The following TRAK1 variants were observed in gnomAD, a reference collection of about 807,000 sequenced individuals.
The protein encoded by TRAK1 is trafficking kinesin-binding protein 1.
A neutral mutation model predicts 92.1 loss-of-function variants in TRAK1; 33 were observed. The observed-to-expected ratio is 0.36, with a 90% CI of 0.27 to 0.48. TRAK1 has a LOEUF of 0.48. TRAK1 is among the 20% of genes least tolerant of loss of function. The probability of loss-of-function intolerance (pLI) is 0.99; values close to 1 mark genes in which losing one functional copy is unlikely to be tolerated. For missense variants in TRAK1, 1,123 were observed against 1,257.9 expected, an observed-to-expected ratio of 0.89 and a Z score of 1.62; for synonymous variants, 521 against 517.3, an observed-to-expected ratio of 1.01 and a Z score of -0.10.
At chr3:42,099,840 GA>G (rs1169628916) in intron 1 of TRAK1, among the ~76,000 whole-genome samples, 1 of 152,206 alleles carries the variant, frequency 6.6e-6, no homozygotes, top group African/African-American at 2.4e-5. Context: ...GTAGAAATGA[GA>G]AGGGGCAAAG....
intron 2 of TRAK1, among the ~76,000 whole-genome samples, chr3:42,152,215 CA>C (rs1283458908): frequency 2.6e-5 from 4 of 152,148 alleles, no homozygotes; most frequent in South Asian, 2.1e-4. Flanking sequence ...CCCCCGCCCC[CA>C]GAGGAGGATA....
chr3:42,105,246 G>A (rs1382450075), intron 1 of TRAK1, among the ~76,000 whole-genome samples: 5 of 152,082 alleles, frequency 3.3e-5, no homozygotes, highest in East Asian at 1.9e-4. Flanking sequence ...GAGCCACCAC[G>A]CCCAGCAGAA....
Position 42,219,616 on chromosome 3 carries a change from G to T in TRAK1, c.2066+20G>T. On this transcript the variant is annotated intron_variant, in intron 15 of 15. Coordinates refer to ENST00000327628, the MANE Select transcript of TRAK1 (RefSeq NM_001042646.3). Reference sequence around the variant, plus strand: ...ACCAAGGTAAGGGACCCTGGCTTTGGGGTGGGCAGGGGTGGGGTGAAGTCA... The same window carrying T: ...ACCAAGGTAAGGGACCCTGGCTTTGTGGTGGGCAGGGGTGGGGTGAAGTCA... The T allele has an allele frequency of 6.3e-7, 1 of 1,597,746 alleles. No homozygotes were observed. Among genetic ancestry groups the T allele is most frequent in the Non-Finnish European group, 8.6e-7 (1 of 1,165,734 alleles).
intron 4 of TRAK1, 113 bp from the exon 5 acceptor site, chr3:42,187,932 A>G (rs1705137278): frequency 3.5e-6 from 3 of 861,976 alleles, no homozygotes; most frequent in Admixed American, 1.9e-5. Context: ...TTCACTTTCA[A>G]TGGTGAATTT....
At chr3:42,150,782 C>G (rs1699867089) in intron 2 of TRAK1, among the ~76,000 whole-genome samples, 1 of 152,198 alleles carries the variant, frequency 6.6e-6, no homozygotes, top group Non-Finnish European at 1.5e-5. Context: ...CACTGGCCCC[C>G]AGCTTTAGAT....
intron 2 of TRAK1, among the ~76,000 whole-genome samples, chr3:42,148,914 C>T (rs767384458): frequency 9.2e-5 from 14 of 152,240 alleles, no homozygotes; most frequent in Middle Eastern, 3.4e-3. Flanking sequence ...AGTCTTCTTT[C>T]TATCGTGACC....
intron 1 of TRAK1, among the ~76,000 whole-genome samples, chr3:42,055,389 C>T (rs551060035): frequency 6.6e-6 from 1 of 152,272 alleles, no homozygotes; most frequent in East Asian, 1.9e-4. Flanking sequence ...GATTAACATA[C>T]CATTCAGTTG....
chr3:42,041,451 A>C (rs559799272), intron 1 of TRAK1, among the ~76,000 whole-genome samples: 4 of 152,274 alleles, frequency 2.6e-5, no homozygotes, highest in African/African-American at 9.6e-5. Context: ...CTGATTTGGT[A>C]TGTTGATCTT....
chr3:42,042,365 ATTATT>A (rs1576161043), intron 1 of TRAK1, among the ~76,000 whole-genome samples: 2 of 151,766 alleles, frequency 1.3e-5, no homozygotes, highest in African/African-American at 4.8e-5. Context: ...TTAGATTATT[ATTATT>A]TTATTATTAT....
At chr3:42,073,804 C>G (rs1704036122) in intron 1 of TRAK1, among the ~76,000 whole-genome samples, 1 of 152,162 alleles carries the variant, frequency 6.6e-6, no homozygotes, top group African/African-American at 2.4e-5. Context: ...CCAGAAAGGT[C>G]AAATGAGGTA....
In TRAK1 at chr3:42,223,172, C is replaced by G; in HGVS notation, c.2297C>G (p.Ser766Cys). ...PQSWDRAGRGSLLHSYTPKMA... is the reference protein window; with the variant it reads ...PQSWDRAGRGCLLHSYTPKMA... Reference sequence around the variant, plus strand: ...AGCTGGGACAGGGCCGGCCGGGGCTCCCTCCTGCACTCCTACACGCCCAAG... The same window carrying G: ...AGCTGGGACAGGGCCGGCCGGGGCTGCCTCCTGCACTCCTACACGCCCAAG... Residue 766 changes from serine to cysteine, a missense_variant, in exon 16 of 16, where the codon TCC (serine) becomes TGC (cysteine). Physicochemically the swap from Ser to Cys is moderately radical, Grantham distance 112. This residue lies in a region of TRAK1 where 401 missense variants were observed against 438.9 expected (regional missense o/e 0.91). Coordinates refer to ENST00000327628, the MANE Select transcript of TRAK1 (RefSeq NM_001042646.3). This position sits in a 1 kb window ranked among gnomAD's most constrained non-coding sequence, Gnocchi z 6.1. 1 of 1,614,038 alleles carries G rather than the reference C, an allele frequency of 6.2e-7. No individual in the cohort carries two copies.
chr3:42,112,053 A>T (rs1471743047), intron 1 of TRAK1, among the ~76,000 whole-genome samples: 6 of 147,528 alleles, frequency 4.1e-5, no homozygotes, highest in Non-Finnish European at 1.5e-5. Flanking sequence ...CCTACTCCAG[A>T]GTGTACTAAG....
At chr3:42,033,449 CGTG>C (rs942173494) in intron 1 of TRAK1, among the ~76,000 whole-genome samples, 1 of 152,050 alleles carries the variant, frequency 6.6e-6, no homozygotes, top group Non-Finnish European at 1.5e-5. Context: ...ATTAGCCAGG[CGTG>C]GTGGCACACG....
rs143223256 is a variant in TRAK1 at position 42,172,508 on chromosome 3, C to G, written c.287-4306C>G. ...TTGTCAATCTAAATTGCCTTGCACC[C>G]CCTCCCCCATTGCTGCACACTGGAG... On this transcript the variant is annotated intron_variant, in intron 2 of 15. Coordinates refer to ENST00000327628, the MANE Select transcript of TRAK1 (RefSeq NM_001042646.3). Among the ~76,000 whole-genome samples, 18 of 152,296 alleles carry G rather than the reference C, an allele frequency of 1.2e-4. No homozygotes were observed. In the East Asian group the frequency reaches 3.3e-3, roughly 28 times the overall value.
At chr3:42,208,589 C>T (rs1708606472) in intron 13 of TRAK1, among the ~76,000 whole-genome samples, 1 of 152,220 alleles carries the variant, frequency 6.6e-6, no homozygotes, top group Non-Finnish European at 1.5e-5. Context: ...TGGAGGGCTT[C>T]TTGCCTACCC....
At chr3:42,218,045 A>G (rs1577065403) in intron 14 of TRAK1, 2 of 984,990 alleles carry the variant, frequency 2.0e-6, no homozygotes, top group Middle Eastern at 5.2e-4. Flanking sequence ...GTCAGGTGCC[A>G]TGGGAGCCTG....
intron 1 of TRAK1, among the ~76,000 whole-genome samples, chr3:42,117,607 C>T (rs996903092): frequency 1.3e-5 from 2 of 152,114 alleles, no homozygotes; most frequent in Admixed American, 6.5e-5. Context: ...ACACTCTGCT[C>T]ACCTTGCAGC....
Position 42,202,500 on chromosome 3 carries a change from G to A in TRAK1, c.1492G>A (p.Ala498Thr). The change falls in exon 13 of 16, where the codon GCG becomes ACG. Residue 498 changes from alanine to threonine, a missense_variant. Physicochemically the swap from Ala to Thr is moderately conservative, Grantham distance 58. Coordinates refer to ENST00000327628, the MANE Select transcript of TRAK1 (RefSeq NM_001042646.3). The surrounding 1 kb of genome is among the most constrained non-coding windows in gnomAD (Gnocchi z 6.1). ...CCCAGGCTCCCACGACCTGGAGACG[G>A]CGCTGAGGCGGCTGTCCCTGCGCCG... is the stretch of plus-strand genomic sequence containing the variant. ...GTPGSHDLET[A>T]LRRLSLRREN... 6.6e-7 allele frequency: 1 copy of A among 1,519,384 alleles called. No individual in the cohort carries two copies. Among genetic ancestry groups the A allele is most frequent in the Non-Finnish European group, 8.9e-7 (1 of 1,128,834 alleles). The allele number at this position is 1,519,384 out of a possible 1,614,324, so 94.1% of individuals were successfully genotyped here. A position where few individuals can be genotyped will look rare whatever the true frequency, so the allele number is the denominator to read the frequency against.
intron 1 of TRAK1, among the ~76,000 whole-genome samples, chr3:42,015,386 A>G (rs539841900): frequency 5.3e-5 from 8 of 151,948 alleles, no homozygotes; most frequent in Admixed American, 3.3e-4. Flanking sequence ...TTGATGCCCC[A>G]GGGACCAGTT....
Sources: gnomAD v4.1 joint callset for allele counts (sites outside exome capture counted in the v4.1 genomes callset) on GRCh38, gnomAD v4.1.1 for gene constraint, gnomAD v4.1.1 regional missense constraint, Gnocchi (gnomAD v3.1) non-coding constraint, MANE v1.5 for transcripts, NCBI Gene and HGNC (gene_info 2026-07-23, HGNC 2026-07-21) for gene names.